The following NUAK1 variants were observed in gnomAD, a reference collection of about 807,000 sequenced individuals.
NUAK1 encodes NUAK family kinase 1.
A neutral mutation model predicts 56.9 loss-of-function variants in NUAK1; 26 were observed. The observed-to-expected ratio is 0.46, with a 90% CI of 0.33 to 0.63. The LOEUF (loss-of-function observed/expected upper bound fraction) is 0.63, where lower values mean the gene tolerates loss of function less well. Among genes scored for constraint, NUAK1 ranks in the 30% least tolerant of loss-of-function variants. The pLI, the probability that NUAK1 is intolerant of heterozygous loss-of-function variation, is 0.02. For synonymous variants in NUAK1, 337 were observed against 336.0 expected (o/e 1.00, Z -0.03); for missense variants, 727 against 876.1 (o/e 0.83, Z 2.15).
intron 2 of NUAK1, among the ~76,000 whole-genome samples, chr12:106,087,230 A>C (rs2032581803): frequency 6.6e-6 from 1 of 152,154 alleles, no homozygotes; most frequent in African/African-American, 2.4e-5. Context: ...CAACAAACAC[A>C]ACCAATAATT....
intron 2 of NUAK1, among the ~76,000 whole-genome samples, chr12:106,093,428 G>A (rs146258403): frequency 6.6e-6 from 1 of 152,350 alleles, no homozygotes; most frequent in East Asian, 1.9e-4. Flanking sequence ...TTCATCAGAT[G>A]TTCGGTTTGA....
At chr12:106,075,240 G>A (rs1315425666) in intron 4 of NUAK1, among the ~76,000 whole-genome samples, 1 of 149,248 alleles carries the variant, frequency 6.7e-6, no homozygotes, top group Non-Finnish European at 1.5e-5. Flanking sequence ...TAGAAATCTA[G>A]ATTAGCCTGT....
intron 2 of NUAK1, among the ~76,000 whole-genome samples, chr12:106,100,206 A>G: frequency 6.6e-6 from 1 of 151,538 alleles, no homozygotes; most frequent in East Asian, 2.0e-4. Context: ...AAAAAATGCT[A>G]CTTCCTCCTT....
chr12:106,085,968 A>G (rs2032566784), intron 3 of NUAK1, among the ~76,000 whole-genome samples: 1 of 152,076 alleles, frequency 6.6e-6, no homozygotes, highest in African/African-American at 2.4e-5. Context: ...CAGCCTCCCA[A>G]CTAGCTTGGA....
intron 1 of NUAK1, among the ~76,000 whole-genome samples, chr12:106,114,888 T>G (rs778951162): frequency 6.6e-6 from 1 of 152,224 alleles, no homozygotes; most frequent in Non-Finnish European, 1.5e-5. Flanking sequence ...TTCAGGGTGC[T>G]GACAAATCAT....
rs2032306056 is a variant in NUAK1 at position 106,063,744 on chromosome 12, A to C, written c.*3058T>G. The C allele has an allele frequency of 6.6e-6, 1 of 151,154 alleles. No homozygotes were observed. Among genetic ancestry groups the C allele is most frequent in the Admixed American group, 6.6e-5 (1 of 15,144 alleles). The allele number at this position is 151,154 out of a possible 1,614,324, so 9.4% of individuals were successfully genotyped here. A position where few individuals can be genotyped will look rare whatever the true frequency, so the allele number is the denominator to read the frequency against. Reference sequence around the variant, plus strand: ...CTTTTTTTCTTCTAGGAATGATACCATGCCAGTAAATCCCTACAGAACATT... The same window carrying C: ...CTTTTTTTCTTCTAGGAATGATACCCTGCCAGTAAATCCCTACAGAACATT... On this transcript the variant is annotated 3_prime_UTR_variant, in exon 7 of 7. Transcript: ENST00000261402.
chr12:106,080,805 G>A (rs2032510077), intron 4 of NUAK1, among the ~76,000 whole-genome samples: 1 of 152,206 alleles, frequency 6.6e-6, no homozygotes, highest in Admixed American at 6.5e-5. Flanking sequence ...GGCTCCAAGA[G>A]AGGATCTTGC....
chr12:106,106,585 G>T, intron 1 of NUAK1, 60 bp from the exon 2 acceptor site: 3 of 1,535,508 alleles, frequency 2.0e-6, no homozygotes, highest in Non-Finnish European at 2.6e-6. Context: ...ATCAGCCATT[G>T]GGGGAGTTTG....
At chr12:106,107,618 A>G (rs2032815050) in intron 1 of NUAK1, among the ~76,000 whole-genome samples, 1 of 152,212 alleles carries the variant, frequency 6.6e-6, no homozygotes, top group African/African-American at 2.4e-5. Context: ...TGGAGCAAAG[A>G]AAGTCCTCAT....
chr12:106,125,307 T>G (rs2033015781), intron 1 of NUAK1, among the ~76,000 whole-genome samples: 1 of 152,194 alleles, frequency 6.6e-6, no homozygotes. Flanking sequence ...ATAGAACGAC[T>G]GGGATCATGA....
chr12:106,122,664 C>G (rs2032989691), intron 1 of NUAK1, among the ~76,000 whole-genome samples: 1 of 152,188 alleles, frequency 6.6e-6, no homozygotes, highest in African/African-American at 2.4e-5. Flanking sequence ...AATACAGCAA[C>G]TAGCTTCCCA....
chr12:106,088,379 T>G (rs1424431667), intron 2 of NUAK1, among the ~76,000 whole-genome samples: 1 of 152,170 alleles, frequency 6.6e-6, no homozygotes, highest in African/African-American at 2.4e-5. Flanking sequence ...AGCACCCTAA[T>G]TCATTAGCCA....
At chr12:106,112,996 G>A (rs1419265595) in intron 1 of NUAK1, among the ~76,000 whole-genome samples, 1 of 152,170 alleles carries the variant, frequency 6.6e-6, no homozygotes, top group Admixed American at 6.5e-5. Context: ...CATAAAAAAT[G>A]CATTCTATTT....
At chr12:106,081,351 T>C (rs927447698) in intron 4 of NUAK1, among the ~76,000 whole-genome samples, 5 of 152,212 alleles carry the variant, frequency 3.3e-5, no homozygotes, top group South Asian at 2.1e-4. Context: ...TAGGATTCCT[T>C]GAACAAAGAG....
At chr12:106,134,828 T>G (rs2556509) in intron 1 of NUAK1, among the ~76,000 whole-genome samples, 12 of 152,220 alleles carry the variant, frequency 7.9e-5, no homozygotes, top group African/African-American at 2.9e-4. Flanking sequence ...TTGAGAAATG[T>G]GTTCAGATCC....
intron 2 of NUAK1, chr12:106,103,150 T>C (rs1471707510): frequency 1.3e-5 from 2 of 152,270 alleles, no homozygotes; most frequent in East Asian, 3.8e-4. Context: ...ATTCGTCCTG[T>C]CTGATTCCCA....
chr12:106,124,238 A>T (rs2033004940), intron 1 of NUAK1, among the ~76,000 whole-genome samples: 1 of 152,202 alleles, frequency 6.6e-6, no homozygotes, highest in African/African-American at 2.4e-5. Flanking sequence ...ATAATAAACC[A>T]TCCCAATCTC....
Position 106,092,483 on chromosome 12 carries a change from G to A in NUAK1, c.362-5598C>T, listed in dbSNP as rs951427708. Among the ~76,000 whole-genome samples, 18 of 151,584 alleles carry A rather than the reference G, an allele frequency of 1.2e-4. No individual in the cohort carries two copies. In the East Asian group the frequency reaches 2.5e-3, roughly 21 times the overall value. On this transcript the variant is annotated intron_variant, in intron 2 of 6. Coordinates refer to ENST00000261402, the MANE Select transcript of NUAK1 (RefSeq NM_014840.3). ...CAGTGAGCCAGCCTGGTGACAGAGC[G>A]AGACTCTGTCTCAAAAAAAAAAAAT...
At chr12:106,134,851 G>A (rs1437280630) in intron 1 of NUAK1, among the ~76,000 whole-genome samples, 1 of 152,072 alleles carries the variant, frequency 6.6e-6, no homozygotes, top group Non-Finnish European at 1.5e-5. Context: ...TCTGAATCTG[G>A]CTAATTATCT....
Sources: gnomAD v4.1 joint callset for allele counts (sites outside exome capture counted in the v4.1 genomes callset) on GRCh38, gnomAD v4.1.1 for gene constraint, MANE v1.5 for transcripts, NCBI Gene and HGNC (gene_info 2026-07-23, HGNC 2026-07-21) for gene names.